The following PLCG2 variants were observed in gnomAD, a reference collection of about 807,000 sequenced individuals.
PLCG2 encodes 1-phosphatidylinositol 4,5-bisphosphate phosphodiesterase gamma-2.
PLCG2 carries 69 observed loss-of-function variants against 175.6 expected under a neutral mutation model. The ratio of observed to expected loss-of-function variants is 0.39; its 90% CI spans 0.32 to 0.48. PLCG2 has a LOEUF of 0.48. Among genes scored for constraint, PLCG2 ranks in the 20% least tolerant of loss-of-function variants. The pLI, the probability that PLCG2 is intolerant of heterozygous loss-of-function variation, is 0.91. For missense variants in PLCG2, 1,798 were observed against 1,650.9 expected (o/e 1.09, Z -1.54); for synonymous variants, 827 against 624.0 (o/e 1.33, Z -4.85).
intron 30 of PLCG2, among the ~76,000 whole-genome samples, chr16:81,942,033 G>T (rs1910962424): frequency 4.6e-5 from 7 of 152,160 alleles, no homozygotes; most frequent in Admixed American, 4.6e-4. Context: ...TCTGGTGCAG[G>T]AAGTGTAGCT....
chr16:81,801,446 T>G (rs999885254), intron 2 of PLCG2, among the ~76,000 whole-genome samples: 1 of 152,154 alleles, frequency 6.6e-6, no homozygotes, highest in African/African-American at 2.4e-5. Context: ...TTGTGAAGAT[T>G]TTCCATGTTG....
intron 31 of PLCG2, among the ~76,000 whole-genome samples, chr16:81,951,960 C>G (rs1486322564): frequency 6.6e-6 from 1 of 152,044 alleles, no homozygotes; most frequent in Non-Finnish European, 1.5e-5. Flanking sequence ...TTTAAAGAGA[C>G]TGATGTTTAT....
intron 19 of PLCG2, among the ~76,000 whole-genome samples, chr16:81,913,574 C>T (rs1909723178): frequency 6.6e-6 from 1 of 152,254 alleles, no homozygotes; most frequent in Non-Finnish European, 1.5e-5. Context: ...GGCCAAATCT[C>T]CAGCCAGAGG....
chr16:81,825,497 G>C (rs939689881), intron 2 of PLCG2, among the ~76,000 whole-genome samples: 1 of 151,996 alleles, frequency 6.6e-6, no homozygotes, highest in African/African-American at 2.4e-5. Context: ...GTTTCACCAT[G>C]TTGGCCAGGC....
intron 2 of PLCG2, among the ~76,000 whole-genome samples, chr16:81,826,991 C>T (rs996012006): frequency 2.2e-4 from 33 of 152,196 alleles, no homozygotes; most frequent in African/African-American, 8.0e-4. Flanking sequence ...TGATCCTGGA[C>T]TTGTTTCTAC....
intron 27 of PLCG2, 86 bp downstream of exon 27, chr16:81,936,464 A>G: frequency 9.7e-7 from 1 of 1,030,262 alleles, no homozygotes; most frequent in South Asian, 1.3e-5. Context: ...CAGCGATACC[A>G]TGTGGTGTCC....
chr16:81,860,178 T>TATTATTATTATTA (rs1285440736), intron 5 of PLCG2, among the ~76,000 whole-genome samples: 18 of 113,854 alleles, frequency 1.6e-4, no homozygotes, highest in African/African-American at 4.4e-4. Flanking sequence ...TATTATTTTT[T>TATTATTATTATTA]TTTTTTTTTG....
At chr16:81,921,148 T>TA in intron 20 of PLCG2, 50 bp from the exon 21 acceptor site, 1 of 1,119,676 alleles carries the variant, frequency 8.9e-7, no homozygotes, top group Non-Finnish European at 1.4e-6. Context: ...ATGTAAGGGC[T>TA]ATTCCAGGAG....
At chr16:81,956,622 G>A in intron 31 of PLCG2, 73 bp from the exon 32 acceptor site, 1 of 1,378,028 alleles carries the variant, frequency 7.3e-7, no homozygotes, top group African/African-American at 1.4e-5. Flanking sequence ...GCATGCTTGT[G>A]AGATGCCAGG....
chr16:81,845,113 A>ATT (rs886960092), intron 2 of PLCG2, among the ~76,000 whole-genome samples: 8 of 150,636 alleles, frequency 5.3e-5, no homozygotes, highest in Admixed American at 2.0e-4. Context: ...TATTTTTTGT[A>ATT]TTTTTTTTTA....
chr16:81,835,872 T>A (rs924551685), intron 2 of PLCG2, among the ~76,000 whole-genome samples: 2 of 152,082 alleles, frequency 1.3e-5, no homozygotes, highest in Non-Finnish European at 2.9e-5. Context: ...TGGTGGATAT[T>A]GGCACTCCCA....
intron 2 of PLCG2, among the ~76,000 whole-genome samples, chr16:81,804,044 A>G (rs1429647093): frequency 1.3e-5 from 2 of 152,188 alleles, no homozygotes; most frequent in South Asian, 2.1e-4. Context: ...GTGTGAACAC[A>G]TGTTTCCATT....
chr16:81,789,895 C>A (rs548409904), intron 2 of PLCG2, among the ~76,000 whole-genome samples: 1 of 151,624 alleles, frequency 6.6e-6, no homozygotes, highest in Admixed American at 6.6e-5. Context: ...CTGTAGGCGC[C>A]GCCCTAGGCG....
intron 30 of PLCG2, among the ~76,000 whole-genome samples, chr16:81,942,851 T>G (rs1051845630): frequency 1.3e-5 from 2 of 152,164 alleles, no homozygotes; most frequent in African/African-American, 2.4e-5. Context: ...TTGATCTTAC[T>G]TTAAAAGGTG....
chr16:81,774,117 A>G (rs1910344701), intron 2 of PLCG2, among the ~76,000 whole-genome samples: 2 of 139,908 alleles, frequency 1.4e-5, no homozygotes, highest in Non-Finnish European at 3.0e-5. Flanking sequence ...GGACTGCCAG[A>G]GCTCAGGAGT....
chr16:81,884,842 C>A (rs1417345727), intron 9 of PLCG2, among the ~76,000 whole-genome samples: 2 of 152,040 alleles, frequency 1.3e-5, no homozygotes. Context: ...GTTTAATGAA[C>A]CACCACGTAT....
chr16:81,946,193 T>C lies in PLCG2; in HGVS notation c.3500T>C (p.Leu1167Pro), dbSNP rs1911141812. The C allele has an allele frequency of 1.2e-6, 2 of 1,613,778 alleles. No homozygotes were observed. Among genetic ancestry groups the C allele is most frequent in the Non-Finnish European group, 1.7e-6 (2 of 1,179,706 alleles). Reference protein sequence around the residue: ...AVKSGFRSVPLKNGYSEDIEL... With the variant: ...AVKSGFRSVPPKNGYSEDIEL... ...GCTTCAGGATTCAGGTCCGTTCCTC[T>C]GAAGAATGGGTACAGCGAGGACATA... The change falls in exon 31 of 33, where the codon CTG becomes CCG. Residue 1167 changes from leucine to proline, a missense_variant. By Grantham distance (98) the Leu-to-Pro change is moderately conservative. Transcript: ENST00000564138.
intron 31 of PLCG2, among the ~76,000 whole-genome samples, chr16:81,952,580 C>G (rs766853435): frequency 6.6e-6 from 1 of 152,112 alleles, no homozygotes; most frequent in African/African-American, 2.4e-5. Context: ...AACCAGGGAG[C>G]GCTCCCAATG....
At position 81,937,890 on chromosome 16, in the gene PLCG2, C is replaced by T. The variant is rs767605816; in HGVS notation, c.3185C>T (p.Thr1062Met). The change falls in exon 28 of 33, where the codon ACG becomes ATG. Residue 1062 changes from threonine (T) to methionine (M), a missense_variant. Coordinates refer to ENST00000564138, the MANE Select transcript of PLCG2 (RefSeq NM_002661.5). Reference sequence around the variant, plus strand: ...GAGTCCCAGAGGAAGATCCTGATGACGCTGACAGTCAAGGTAAAGCCAGCC... The same window carrying T: ...GAGTCCCAGAGGAAGATCCTGATGATGCTGACAGTCAAGGTAAAGCCAGCC... ...PPESQRKILM[T>M]LTVKVLGARH... 1.2e-5 allele frequency: 20 copies of T among 1,613,924 alleles called. No individual in the cohort carries two copies. The highest frequency in any genetic ancestry group is 1.7e-5 in the Admixed American group (1 of 60,010).
Sources: allele counts gnomAD v4.1 joint callset (sites outside exome capture counted in the v4.1 genomes callset), GRCh38; gene constraint gnomAD v4.1.1; transcripts MANE v1.5; gene names NCBI Gene and HGNC (gene_info 2026-07-23, HGNC 2026-07-21).